SPON1: variants seen among roughly 807,000 people sequenced by gnomAD.
SPON1 encodes spondin 1, also known as spondin-1.
SPON1 carries 52 observed loss-of-function variants against 111.7 expected under a neutral mutation model. The observed-to-expected ratio is 0.47, with a 90% CI of 0.37 to 0.59. The LOEUF (loss-of-function observed/expected upper bound fraction) is 0.59, where lower values mean the gene tolerates loss of function less well. Ranked by LOEUF, SPON1 falls within the 20% of genes least tolerant of loss-of-function variation. The probability of loss-of-function intolerance (pLI) is 0.00; values close to 1 mark genes in which losing one functional copy is unlikely to be tolerated. For synonymous variants in SPON1, 410 were observed against 395.8 expected (o/e 1.04, Z -0.43); for missense variants, 957 against 1,068.5 (o/e 0.90, Z 1.46).
chr11:14,031,918 C>CT (rs1476659297), intron 2 of SPON1, among the ~76,000 whole-genome samples: 4 of 152,154 alleles, frequency 2.6e-5, no homozygotes, highest in African/African-American at 9.7e-5. Context: ...TTAGAAAGCC[C>CT]TTCCTGGGCA....
intron 6 of SPON1, among the ~76,000 whole-genome samples, chr11:14,154,116 C>T: frequency 6.6e-6 from 1 of 152,258 alleles, no homozygotes; most frequent in Non-Finnish European, 1.5e-5. Flanking sequence ...TTTCCAGGCA[C>T]ATGGTGCAAG....
In SPON1 at chr11:13,986,080, G is replaced by A. The variant is rs12273596; in HGVS notation, c.345+3127G>A. 4.9e-3 allele frequency among the ~76,000 whole-genome samples: 752 copies of A among 152,314 alleles called. 2 individuals are homozygous for A. The highest frequency in any genetic ancestry group is 0.017 in the African/African-American group (708 of 41,554). ...GCAGCATTTGTTGAGTGCCTGCTGG[G>A]TGCTAGGCACTGAGTTAGGCATTGG... is the stretch of plus-strand genomic sequence containing the variant. On this transcript the variant is annotated intron_variant, in intron 2 of 15. Coordinates refer to ENST00000576479, the MANE Select transcript of SPON1 (RefSeq NM_006108.4).
intron 6 of SPON1, among the ~76,000 whole-genome samples, chr11:14,186,704 T>C (rs1325885393): frequency 2.6e-5 from 4 of 152,214 alleles, no homozygotes; most frequent in Non-Finnish European, 5.9e-5. Flanking sequence ...TTCCCATTTA[T>C]ATCCTTGTGC....
intron 5 of SPON1, among the ~76,000 whole-genome samples, chr11:14,108,893 A>G (rs1021915307): frequency 6.6e-6 from 1 of 152,032 alleles, no homozygotes; most frequent in East Asian, 1.9e-4. Flanking sequence ...AGGAGCACAT[A>G]AGCAATTATT....
intron 6 of SPON1, among the ~76,000 whole-genome samples, chr11:14,235,878 G>C (rs538603567): frequency 2.0e-5 from 3 of 152,278 alleles, no homozygotes; most frequent in Non-Finnish European, 1.5e-5. Flanking sequence ...ACAAAGGAGA[G>C]AGTGCTCTGG....
chr11:13,989,736 G>A (rs1848213055), intron 2 of SPON1, among the ~76,000 whole-genome samples: 1 of 152,092 alleles, frequency 6.6e-6, no homozygotes, highest in Non-Finnish European at 1.5e-5. Flanking sequence ...AGTGATTCTG[G>A]TATGTTGTGT....
At chr11:13,971,528 A>G (rs1554908591) in intron 1 of SPON1, among the ~76,000 whole-genome samples, 1 of 152,176 alleles carries the variant, frequency 6.6e-6, no homozygotes. Flanking sequence ...AAACTAAACT[A>G]AAATTTAATT....
chr11:14,091,669 G>A (rs371944963), intron 5 of SPON1, among the ~76,000 whole-genome samples: 2 of 152,162 alleles, frequency 1.3e-5, no homozygotes, highest in East Asian at 1.9e-4. Context: ...CAGCTGGCTC[G>A]CAAGTGCCGC....
chr11:14,077,060 T>G (rs997802331), intron 4 of SPON1, among the ~76,000 whole-genome samples: 2 of 152,232 alleles, frequency 1.3e-5, no homozygotes, highest in African/African-American at 4.8e-5. Flanking sequence ...GGTGGACTTG[T>G]GGGTGTTTTG....
chr11:14,150,772 A>G (rs1439672315), intron 6 of SPON1, among the ~76,000 whole-genome samples: 2 of 152,194 alleles, frequency 1.3e-5, no homozygotes, highest in African/African-American at 4.8e-5. Flanking sequence ...CTACAGTGCA[A>G]CTAAGGCTAG....
In SPON1 at chr11:14,267,997, C is replaced by G. The variant is rs1554942637; in HGVS notation, c.*2310C>G. The G allele has an allele frequency of 6.6e-6, 1 of 152,150 alleles. No homozygotes were observed. Among genetic ancestry groups the G allele is most frequent in the Non-Finnish European group, 1.5e-5 (1 of 68,026 alleles). 9.4% of individuals were successfully genotyped at this position (152,150 alleles called of 1,614,324 possible). On this transcript the variant is annotated 3_prime_UTR_variant, in exon 16 of 16. Transcript: ENST00000576479. ...GAAGTTCAGAGAGAGATTTCCCAAC[C>G]AGACATTGGGTCACTCACTGGTCAC...
chr11:14,255,509 A>T, intron 8 of SPON1, 138 bp from the exon 9 acceptor site: 1 of 752,808 alleles, frequency 1.3e-6, no homozygotes, highest in Non-Finnish European at 2.2e-6. Context: ...TGGCATGAAC[A>T]CAATTCCATA....
chr11:14,136,302 G>T (rs1056285057), intron 6 of SPON1, among the ~76,000 whole-genome samples: 1 of 152,206 alleles, frequency 6.6e-6, no homozygotes, highest in African/African-American at 2.4e-5. Context: ...ACAAAAGCCT[G>T]TCCAGCCTGA....
Position 14,259,476 on chromosome 11 carries a change from G to T in SPON1, c.1663+26G>T. Reference sequence around the variant, plus strand: ...GTGAGTGGGGGCCCCGGGCGGGCAGGCGGGCAAGTAGGTCGGGGAGGCAGC... The same window carrying T: ...GTGAGTGGGGGCCCCGGGCGGGCAGTCGGGCAAGTAGGTCGGGGAGGCAGC... On this transcript the variant is annotated intron_variant, in intron 12 of 15. Coordinates refer to ENST00000576479, the MANE Select transcript of SPON1 (RefSeq NM_006108.4). The surrounding 1 kb of genome is among the most constrained non-coding windows in gnomAD (Gnocchi z 5.0). 1.3e-6 allele frequency: 2 copies of T among 1,593,468 alleles called. No individual in the cohort carries two copies. The highest frequency in any genetic ancestry group is 1.8e-5 in the Admixed American group (1 of 57,058).
intron 5 of SPON1, among the ~76,000 whole-genome samples, chr11:14,083,790 T>C (rs1417649397): frequency 6.6e-6 from 1 of 152,244 alleles, no homozygotes; most frequent in East Asian, 1.9e-4. Context: ...TTGAATTTTA[T>C]CATTGGCAAC....
chr11:14,073,157 T>C (rs1346751013), intron 3 of SPON1, among the ~76,000 whole-genome samples: 4 of 152,206 alleles, frequency 2.6e-5, no homozygotes, highest in African/African-American at 9.7e-5. Context: ...TTATACATTA[T>C]TCTTAATAAT....
intron 4 of SPON1, among the ~76,000 whole-genome samples, chr11:14,075,654 T>A (rs1848911527): frequency 2.6e-5 from 4 of 152,184 alleles, no homozygotes; most frequent in African/African-American, 9.7e-5. Context: ...CTTATATTGG[T>A]GTCGTCTTCT....
At chr11:13,963,165 A>C in intron 1 of SPON1, 23 bp downstream of exon 1, 1 of 1,466,098 alleles carries the variant, frequency 6.8e-7, no homozygotes, top group East Asian at 2.8e-5. Flanking sequence ...CCGGCGTGGC[A>C]TTAGGAGAGC....
chr11:14,002,117 G>C (rs1848323696), intron 2 of SPON1, among the ~76,000 whole-genome samples: 1 of 152,192 alleles, frequency 6.6e-6, no homozygotes, highest in Non-Finnish European at 1.5e-5. Context: ...GAACAAGAAG[G>C]AAAGTGAGAG....
Sources: allele counts gnomAD v4.1 joint callset (sites outside exome capture counted in the v4.1 genomes callset), GRCh38; gene constraint gnomAD v4.1.1; non-coding constraint Gnocchi (gnomAD v3.1); transcripts MANE v1.5; gene names NCBI Gene and HGNC (gene_info 2026-07-23, HGNC 2026-07-21).